BRINP2: variants seen among roughly 807,000 people sequenced by gnomAD.
BRINP2 encodes BMP/retinoic acid inducible neural specific 2.
BRINP2 carries 21 observed loss-of-function variants against 69.2 expected under a neutral mutation model. The ratio of observed to expected loss-of-function variants is 0.30; its 90% CI spans 0.22 to 0.44. The LOEUF (loss-of-function observed/expected upper bound fraction) is 0.44. Ranked by LOEUF, BRINP2 falls within the 20% of genes least tolerant of loss-of-function variation. The pLI is 1.00. For synonymous variants in BRINP2, 380 were observed against 394.1 expected (o/e 0.96, Z 0.42); for missense variants, 877 against 986.0 (o/e 0.89, Z 1.48).
intron 4 of BRINP2, among the ~76,000 whole-genome samples, chr1:177,265,313 G>A (rs1651082778): frequency 6.6e-6 from 1 of 152,134 alleles, no homozygotes; most frequent in Non-Finnish European, 1.5e-5. Flanking sequence ...ACTCAAGATG[G>A]ATTAAAGACT....
At chr1:177,209,214 TA>T (rs532456082) in intron 1 of BRINP2, among the ~76,000 whole-genome samples, 166 of 142,292 alleles carry the variant, frequency 1.2e-3, no homozygotes, top group East Asian at 1.4e-3. Context: ...TTAGGATATT[TA>T]AAAAAAAAAA....
At chr1:177,186,300 A>G (rs1648422741) in intron 1 of BRINP2, among the ~76,000 whole-genome samples, 1 of 152,106 alleles carries the variant, frequency 6.6e-6, no homozygotes, top group Non-Finnish European at 1.5e-5. Context: ...CTTCACTTCT[A>G]TGGCCCTGAG....
At chr1:177,228,245 G>T (rs566284859) in intron 1 of BRINP2, among the ~76,000 whole-genome samples, 1 of 152,344 alleles carries the variant, frequency 6.6e-6, no homozygotes, top group East Asian at 1.9e-4. Context: ...AGCCACTCAA[G>T]CTGTGTCCTC....
chr1:177,263,251 AG>A (rs1190337074), intron 4 of BRINP2, among the ~76,000 whole-genome samples: 1 of 152,194 alleles, frequency 6.6e-6, no homozygotes, highest in Non-Finnish European at 1.5e-5. Context: ...AGATTATAGA[AG>A]GAATACTATG....
chr1:177,256,651 A>G (rs1650769685), intron 3 of BRINP2: 1 of 1,033,844 alleles, frequency 9.7e-7, no homozygotes, highest in African/African-American at 1.7e-5. Context: ...GAAGATGCAG[A>G]GCTCCCTCTG....
rs547449581 is a variant in BRINP2, at chr1:177,260,498, T to G, written c.669+3114T>G. On this transcript the variant is annotated intron_variant, in intron 4 of 7. Coordinates refer to ENST00000361539, the MANE Select transcript of BRINP2 (RefSeq NM_021165.4). ...AGAAGTTCTATTGTTGGTAAAATGC[T>G]ATCAAATAGCGTCACATGCTACAGA... Among the ~76,000 whole-genome samples the G allele has an allele frequency of 1.4e-3, 220 of 152,348 alleles. 1 individual carries two copies. The highest frequency in any genetic ancestry group is 5.2e-3 in the South Asian group (25 of 4,832).
intron 4 of BRINP2, among the ~76,000 whole-genome samples, chr1:177,259,490 T>C (rs774977514): frequency 2.0e-4 from 30 of 152,132 alleles, no homozygotes; most frequent in Non-Finnish European, 2.6e-4. Context: ...AAACAACAGA[T>C]TTTCAGTGTA....
chr1:177,202,192 T>C (rs1408728855), intron 1 of BRINP2, among the ~76,000 whole-genome samples: 1 of 152,238 alleles, frequency 6.6e-6, no homozygotes, highest in Non-Finnish European at 1.5e-5. Context: ...TTTTTGTGTC[T>C]CTATTTCCTT....
At chr1:177,264,806 G>T (rs1163073622) in intron 4 of BRINP2, among the ~76,000 whole-genome samples, 3 of 152,124 alleles carry the variant, frequency 2.0e-5, no homozygotes, top group African/African-American at 4.8e-5. Context: ...AATCAGAGAG[G>T]ACACAAACAA....
chr1:177,173,204 C>T (rs149454132), intron 1 of BRINP2, among the ~76,000 whole-genome samples: 7 of 152,254 alleles, frequency 4.6e-5, no homozygotes, highest in South Asian at 2.1e-4. Context: ...AGGGCATGAC[C>T]GAGACATGCT....
In BRINP2 at chr1:177,281,719, T is replaced by TAC. The variant is rs113470314; in HGVS notation, c.*210_*211dup. 61,336 of 545,262 alleles carry TAC rather than the reference T, an allele frequency of 0.11. 2,529 individuals are homozygous for TAC. Among genetic ancestry groups the TAC allele is most frequent in the Middle Eastern group, 0.18 (354 of 1,938 alleles). The allele number at this position is 545,262 out of a possible 1,614,324, so 33.8% of individuals were successfully genotyped here. A position where few individuals can be genotyped will look rare whatever the true frequency, so the allele number is the denominator to read the frequency against. The stretch of plus-strand genomic sequence containing the variant: ...GCTACTGCGTGCGTGCGCGCACGCA[T>TAC]ACACACACACACACACACACTGGCA... On this transcript the variant is annotated 3_prime_UTR_variant, in exon 8 of 8. Transcript: ENST00000361539.
chr1:177,197,028 A>G (rs1648767330), intron 1 of BRINP2, among the ~76,000 whole-genome samples: 1 of 152,186 alleles, frequency 6.6e-6, no homozygotes, highest in African/African-American at 2.4e-5. Flanking sequence ...TTAAGGTTGA[A>G]TGAGGTGAGA....
At chr1:177,275,159 C>A (rs140031625) in intron 5 of BRINP2, 95 of 456,276 alleles carry the variant, frequency 2.1e-4, no homozygotes, top group African/African-American at 1.7e-3. Flanking sequence ...CAAAGGCATG[C>A]CTACCCTTTG....
chr1:177,185,433 T>TG (rs1429994733), intron 1 of BRINP2, among the ~76,000 whole-genome samples: 2 of 151,982 alleles, frequency 1.3e-5, no homozygotes, highest in East Asian at 3.9e-4. Flanking sequence ...AGGAGGAGGG[T>TG]GATATTGCAG....
At position 177,237,492 on chromosome 1, in the gene BRINP2, A is replaced by G. The variant is rs557353414; in HGVS notation, c.269+7347A>G. ...CAGTCCCAAGCATCCCCAGGACACA[A>G]TGGCTCTTGCCACACATTTTCCCAT... is the stretch of plus-strand genomic sequence containing the variant. On this transcript the variant is annotated intron_variant, in intron 2 of 7. Coordinates refer to ENST00000361539, the MANE Select transcript of BRINP2 (RefSeq NM_021165.4). 4.6e-5 allele frequency among the ~76,000 whole-genome samples: 7 copies of G among 152,374 alleles called. No individual in the cohort carries two copies. The East Asian group carries it at 7.7e-4, about 17-fold the overall frequency.
rs763941295 is a variant in BRINP2, at chr1:177,257,201, G to A, written c.486G>A (p.Val162=). The A allele has an allele frequency of 6.2e-7, 1 of 1,614,038 alleles. No individual in the cohort carries two copies. Among genetic ancestry groups the A allele is most frequent in the Non-Finnish European group, 8.5e-7 (1 of 1,180,000 alleles). Residue 162 remains valine (V), a synonymous_variant, in exon 4 of 8, where the codon GTG becomes GTA. Transcript: ENST00000361539. ...GAGAAGAGTCCCTGACCATTTTTGT[G>A]GACAAGCAGAAACTGGGAAGAAAGA... is the stretch of plus-strand genomic sequence containing the variant. The part of the protein sequence containing the change: ...LGGEESLTIF[V]DKQKLGRKTE...
chr1:177,280,128 T>A (rs552220166), intron 7 of BRINP2, among the ~76,000 whole-genome samples: 1 of 152,280 alleles, frequency 6.6e-6, no homozygotes, highest in East Asian at 1.9e-4. Context: ...CTGTAGGTTT[T>A]TGAATAAGGG....
chr1:177,221,406 G>A (rs1354892671), intron 1 of BRINP2, among the ~76,000 whole-genome samples: 1 of 152,108 alleles, frequency 6.6e-6, no homozygotes, highest in Non-Finnish European at 1.5e-5. Context: ...CAAGCTCTAG[G>A]CTTAGTGTTA....
intron 1 of BRINP2, among the ~76,000 whole-genome samples, chr1:177,181,944 A>T (rs1165527179): frequency 1.3e-5 from 2 of 152,202 alleles, no homozygotes; most frequent in Admixed American, 1.3e-4. Context: ...AGTGGCCGGT[A>T]CCTTTCCTAA....
Sources: allele counts gnomAD v4.1 joint callset (sites outside exome capture counted in the v4.1 genomes callset), GRCh38; gene constraint gnomAD v4.1.1; transcripts MANE v1.5; gene names NCBI Gene and HGNC (gene_info 2026-07-23, HGNC 2026-07-21).